Variants in TMEM143 observed in about 807,000 individuals in gnomAD.
TMEM143 encodes the protein transmembrane protein 143.
TMEM143 carries 45 observed loss-of-function variants against 40.3 expected under a neutral mutation model. The ratio of observed to expected loss-of-function variants is 1.12; its 90% CI spans 0.88 to 1.43. The LOEUF (loss-of-function observed/expected upper bound fraction) is 1.43. TMEM143 is among the 40% of genes most tolerant of loss of function. The pLI is 0.00. For synonymous variants in TMEM143, 299 were observed against 282.7 expected (o/e 1.06, Z -0.58); for missense variants, 620 against 613.4 (o/e 1.01, Z -0.11).
intron 1 of TMEM143, 123 bp from the exon 2 acceptor site, chr19:48,363,654 G>T (rs1258301673): frequency 1.4e-6 from 2 of 1,440,606 alleles, no homozygotes; most frequent in South Asian, 1.4e-5. Flanking sequence ...CCATCCGCTC[G>T]CCTCAAAGCC....
intron 6 of TMEM143, among the ~76,000 whole-genome samples, chr19:48,341,345 C>G (rs1222137557): frequency 4.6e-5 from 7 of 152,152 alleles, no homozygotes; most frequent in Non-Finnish European, 1.0e-4. Flanking sequence ...TTCAAGGCAG[C>G]CCGGCACTCA....
intron 6 of TMEM143, among the ~76,000 whole-genome samples, chr19:48,338,481 G>C (rs1969420483): frequency 6.6e-6 from 1 of 152,212 alleles, no homozygotes; most frequent in Admixed American, 6.5e-5. Flanking sequence ...GGTTTACCCT[G>C]AACAGGTCCT....
At chr19:48,340,024 C>T (rs1413368644) in intron 6 of TMEM143, among the ~76,000 whole-genome samples, 1 of 151,042 alleles carries the variant, frequency 6.6e-6, no homozygotes, top group Non-Finnish European at 1.5e-5. Context: ...CCACTGCACC[C>T]AGCCAAGGGC....
At chr19:48,334,531 CT>C (rs1969322378) in intron 6 of TMEM143, among the ~76,000 whole-genome samples, 1 of 125,252 alleles carries the variant, frequency 8.0e-6, no homozygotes, top group Non-Finnish European at 1.7e-5. Flanking sequence ...CTCTTTCTTT[CT>C]TTTCTTTTCT....
At position 48,343,424 on chromosome 19, in the gene TMEM143, A is replaced by G. The variant is rs1260720394; in HGVS notation, c.592T>C (p.Tyr198His). ...TGGCCCAGGGCCCAGAAGTGAATGTAGACATACTGATCCAAATTTACTGTC... is the reference window on the plus strand; with the variant it reads ...TGGCCCAGGGCCCAGAAGTGAATGTGGACATACTGATCCAAATTTACTGTC... ...QVTVNLDQYVYIHFWALGQRV... is the reference protein window; with the variant it reads ...QVTVNLDQYVHIHFWALGQRV... The change falls in exon 5 of 8, where the codon TAC (tyrosine) becomes CAC (histidine). Residue 198 changes from tyrosine to histidine, a missense_variant. Transcript: ENST00000293261. 5 of 1,585,688 alleles carry G rather than the reference A, an allele frequency of 3.2e-6. No homozygotes were observed. The South Asian group carries it at 3.4e-5, about 11-fold the overall frequency.
chr19:48,363,798 G>T, intron 1 of TMEM143, 100 bp downstream of exon 1: 1 of 1,580,648 alleles, frequency 6.3e-7, no homozygotes, highest in Non-Finnish European at 8.7e-7. Flanking sequence ...GGTCTAGACA[G>T]CGAGGTAGAT....
At position 48,362,286 on chromosome 19, in the gene TMEM143, T is replaced by A. The variant is rs182952321; in HGVS notation, c.264+1005A>T. 2.2e-4 allele frequency among the ~76,000 whole-genome samples: 33 copies of A among 152,270 alleles called. No homozygotes were observed. The East Asian group carries it at 6.0e-3, about 28-fold the overall frequency. On this transcript the variant is annotated intron_variant, in intron 2 of 7. Transcript: ENST00000293261. ...GAGGTGTGGTGGCTCATACCTGTAATCTCAGCACTTTGGGAAGCCAAGATG... is the reference window on the plus strand; with the variant it reads ...GAGGTGTGGTGGCTCATACCTGTAAACTCAGCACTTTGGGAAGCCAAGATG...
At chr19:48,335,593 C>T (rs914670259) in intron 6 of TMEM143, among the ~76,000 whole-genome samples, 2 of 152,230 alleles carry the variant, frequency 1.3e-5, no homozygotes, top group Admixed American at 1.3e-4. Context: ...CATGGTGGCT[C>T]ATGCCTGTAA....
intron 2 of TMEM143, among the ~76,000 whole-genome samples, chr19:48,361,056 G>C (rs542628013): frequency 1.4e-4 from 21 of 151,866 alleles, no homozygotes; most frequent in African/African-American, 5.1e-4. Flanking sequence ...CCAAAGTGCT[G>C]GGAGGCTGAG....
chr19:48,334,339 T>C, intron 6 of TMEM143, 142 bp from the exon 7 acceptor site: 1 of 734,210 alleles, frequency 1.4e-6, no homozygotes, highest in Non-Finnish European at 2.1e-6. Context: ...ACCTCTTCAG[T>C]ACGGGTCCCC....
chr19:48,351,114 T>C (rs1969761811), intron 3 of TMEM143, among the ~76,000 whole-genome samples: 1 of 151,918 alleles, frequency 6.6e-6, no homozygotes, highest in African/African-American at 2.4e-5. Context: ...GTCTACTCAA[T>C]ACTTCCATAC....
At chr19:48,337,229 T>C (rs1317951286) in intron 6 of TMEM143, among the ~76,000 whole-genome samples, 2 of 151,354 alleles carry the variant, frequency 1.3e-5, no homozygotes, top group South Asian at 2.1e-4. Flanking sequence ...CCAGGGAGGG[T>C]TCAGGAAGTC....
intron 3 of TMEM143, 120 bp from the exon 4 acceptor site, chr19:48,345,474 T>TTTATTTG: frequency 2.7e-6 from 1 of 364,492 alleles, no homozygotes. Context: ...TTATTTATTT[T>TTTATTTG]ATTGAGATAG....
rs1045970193 is a variant in TMEM143 at position 48,352,110 on chromosome 19, G to A, written c.370-6756C>T. On this transcript the variant is annotated intron_variant, in intron 3 of 7. Transcript: ENST00000293261. ...AAAATACAAAAAATTAGCTGAGCGC[G>A]GTGGTGGGCGCCTGTAGTCCCAGCT... Among the ~76,000 whole-genome samples the A allele has an allele frequency of 4.6e-5, 7 of 151,542 alleles. No individual in the cohort carries two copies. The South Asian group carries it at 1.3e-3, about 27-fold the overall frequency.
At position 48,341,739 on chromosome 19, in the gene TMEM143, C is replaced by T. The variant is rs138927379; in HGVS notation, c.975+791G>A. On this transcript the variant is annotated intron_variant, in intron 6 of 7. Transcript: ENST00000293261. ...AAGCAACTTGTTCAAGATCACACAGCGAGAAGAGAGTAGAGTCAGATTCAA... is the reference window on the plus strand; with the variant it reads ...AAGCAACTTGTTCAAGATCACACAGTGAGAAGAGAGTAGAGTCAGATTCAA... 3.6e-4 allele frequency among the ~76,000 whole-genome samples: 55 copies of T among 152,174 alleles called. 2 individuals carry two copies. Among genetic ancestry groups the T allele is most frequent in the Admixed American group, 1.0e-3 (16 of 15,288 alleles).
chr19:48,363,087 G>T (rs1970087779), intron 2 of TMEM143, among the ~76,000 whole-genome samples: 1 of 152,220 alleles, frequency 6.6e-6, no homozygotes, highest in Non-Finnish European at 1.5e-5. Context: ...GCCAGAGTTG[G>T]GAATGGATGC....
intron 3 of TMEM143, among the ~76,000 whole-genome samples, chr19:48,356,209 C>T (rs1969888433): frequency 6.6e-6 from 1 of 151,734 alleles, no homozygotes; most frequent in Non-Finnish European, 1.5e-5. Flanking sequence ...CCTCCGCCTC[C>T]TGGGTTCAAG....
Position 48,333,175 on chromosome 19 carries a change from G to T in TMEM143, c.*44C>A. 3.7e-6 allele frequency: 5 copies of T among 1,365,478 alleles called. No individual in the cohort carries two copies. The highest frequency in any genetic ancestry group is 4.8e-6 in the Non-Finnish European group (5 of 1,031,812). 84.6% of individuals were successfully genotyped at this position (1,365,478 alleles called of 1,614,324 possible). The stretch of plus-strand genomic sequence containing the variant: ...GACAGCCTGTCGTGAAGGAGGCGGG[G>T]CTTAGTTCCTAGCCTGCTGACTGGG... On this transcript the variant is annotated 3_prime_UTR_variant, in exon 8 of 8. Coordinates refer to ENST00000293261, the MANE Select transcript of TMEM143 (RefSeq NM_018273.4). This position sits in a 1 kb window ranked among gnomAD's most constrained non-coding sequence, Gnocchi z 4.1.
At chr19:48,358,779 C>T (rs189650263) in intron 3 of TMEM143, among the ~76,000 whole-genome samples, 1 of 152,238 alleles carries the variant, frequency 6.6e-6, no homozygotes, top group East Asian at 1.9e-4. Context: ...GTTCCCTACA[C>T]TGCAGCCAGA....
Sources: gnomAD v4.1 joint callset for allele counts (sites outside exome capture counted in the v4.1 genomes callset) on GRCh38, gnomAD v4.1.1 for gene constraint, Gnocchi (gnomAD v3.1) non-coding constraint, MANE v1.5 for transcripts, NCBI Gene and HGNC (gene_info 2026-07-23, HGNC 2026-07-21) for gene names.